CACHD1: variants seen among roughly 807,000 people sequenced by gnomAD.
CACHD1 encodes the protein VWFA and cache domain-containing protein 1.
A neutral mutation model predicts 138.7 loss-of-function variants in CACHD1; 71 were observed. The ratio of observed to expected loss-of-function variants is 0.51; its 90% confidence interval spans 0.42 to 0.62. The LOEUF is 0.62. Among genes scored for constraint, CACHD1 ranks in the 20% least tolerant of loss-of-function variants. The pLI is 0.00. For missense variants in CACHD1, 1,389 were observed against 1,625.3 expected, an observed-to-expected ratio of 0.85 and a Z score of 2.50; for synonymous variants, 578 against 591.5, an observed-to-expected ratio of 0.98 and a Z score of 0.33.
chr1:64,480,695 A>G (rs1646204978), intron 1 of CACHD1, among the ~76,000 whole-genome samples: 1 of 151,938 alleles, frequency 6.6e-6, no homozygotes. Flanking sequence ...TTTTTACTGA[A>G]AAGGTAAGTT....
chr1:64,530,685 A>T (rs960512825), intron 1 of CACHD1, among the ~76,000 whole-genome samples: 2 of 152,136 alleles, frequency 1.3e-5, no homozygotes, highest in East Asian at 1.9e-4. Context: ...AGCCTGGCCA[A>T]CATGGTGAAA....
intron 16 of CACHD1, among the ~76,000 whole-genome samples, chr1:64,669,179 C>A (rs2100714158): frequency 6.6e-6 from 1 of 152,236 alleles, no homozygotes; most frequent in South Asian, 2.1e-4. Flanking sequence ...TGTTTTGTGA[C>A]CTCGCTGACT....
In CACHD1 at chr1:64,681,546, T is replaced by TTTTTG. The variant is rs1650185844; in HGVS notation, c.3484+215_3484+216insGTTTT. Among the ~76,000 whole-genome samples the TTTTTG allele has an allele frequency of 2.7e-5, 3 of 113,126 alleles. 1 individual carries two copies. The East Asian group carries it at 7.0e-4, about 27-fold the overall frequency. The allele number at this position is 113,126 out of a possible 152,430, so 74.2% of individuals were successfully genotyped here. On this transcript the variant is annotated intron_variant, in intron 25 of 26. Transcript: ENST00000651257. ...ATCTCAAAAGATTTTATTGTGTTTT[T>TTTTTG]TTTTTTTTTTTTTTTTTTGCATTAA...
intron 4 of CACHD1, among the ~76,000 whole-genome samples, chr1:64,620,710 A>G (rs1350410546): frequency 6.6e-6 from 1 of 152,236 alleles, no homozygotes; most frequent in East Asian, 1.9e-4. Flanking sequence ...TAATGCATTA[A>G]TCTTTCTCAA....
At chr1:64,539,880 A>G (rs868165804) in intron 1 of CACHD1, among the ~76,000 whole-genome samples, 3 of 152,226 alleles carry the variant, frequency 2.0e-5, no homozygotes, top group Admixed American at 1.3e-4. Context: ...CTGAACTCTG[A>G]CAGCACCTTG....
chr1:64,501,645 AC>A (rs1646341018), intron 1 of CACHD1, among the ~76,000 whole-genome samples: 1 of 152,216 alleles, frequency 6.6e-6, no homozygotes, highest in African/African-American at 2.4e-5. Context: ...GTTTTTGTGC[AC>A]AAAAATACCC....
At chr1:64,614,417 C>T (rs1200323366) in intron 4 of CACHD1, among the ~76,000 whole-genome samples, 2 of 152,188 alleles carry the variant, frequency 1.3e-5, no homozygotes, top group Non-Finnish European at 2.9e-5. Flanking sequence ...GTGGTCTAGA[C>T]ACCTGGATGG....
At chr1:64,651,377 T>A (rs1649087771) in intron 9 of CACHD1, among the ~76,000 whole-genome samples, 2 of 152,198 alleles carry the variant, frequency 1.3e-5, no homozygotes, top group African/African-American at 4.8e-5. Context: ...TTCACCTTTT[T>A]TTAAAGGATG....
chr1:64,629,218 A>G (rs1447850905), intron 4 of CACHD1, 137 bp from the exon 5 acceptor site: 2 of 943,308 alleles, frequency 2.1e-6, no homozygotes, highest in African/African-American at 1.7e-5. Flanking sequence ...CAAATGTTTC[A>G]TAGAAAATTT....
rs778338835 is a variant in CACHD1, at chr1:64,653,809, C to G, written c.1592C>G (p.Pro531Arg). ...ACCAGGCCATATTTATTGTCAGAGC[C>G]CCCACTTCATACTGACATCATACAT... The part of the protein sequence containing the change: ...SLTRPYLLSE[P>R]PLHTDIIHYE... Residue 531 changes from proline to arginine, a missense_variant, in exon 11 of 27, where the codon CCC becomes CGC. Physicochemically the swap from Pro to Arg is moderately radical, Grantham distance 103. Transcript: ENST00000651257. 1 of 1,612,508 alleles carries G rather than the reference C, an allele frequency of 6.2e-7. No individual in the cohort carries two copies. Among genetic ancestry groups the G allele is most frequent in the Non-Finnish European group, 8.5e-7 (1 of 1,178,710 alleles).
chr1:64,621,573 AAG>A (rs1028782542), intron 4 of CACHD1, among the ~76,000 whole-genome samples: 1 of 152,208 alleles, frequency 6.6e-6, no homozygotes, highest in African/African-American at 2.4e-5. Context: ...CAGGTACTAT[AAG>A]AGAGGATAAG....
At chr1:64,476,863 G>GAGGAGTTC (rs1250787470) in intron 1 of CACHD1, among the ~76,000 whole-genome samples, 1 of 152,208 alleles carries the variant, frequency 6.6e-6, no homozygotes, top group Non-Finnish European at 1.5e-5. Context: ...GTTGCTGCTT[G>GAGGAGTTC]AGGAGTTCCT....
intron 1 of CACHD1, among the ~76,000 whole-genome samples, chr1:64,525,074 C>T (rs1646526369): frequency 6.6e-6 from 1 of 152,108 alleles, no homozygotes; most frequent in Non-Finnish European, 1.5e-5. Flanking sequence ...ACCAGTGGAC[C>T]ATCTCTGTGA....
chr1:64,621,479 G>A (rs1334459268), intron 4 of CACHD1, among the ~76,000 whole-genome samples: 1 of 152,076 alleles, frequency 6.6e-6, no homozygotes, highest in Admixed American at 6.6e-5. Context: ...TGGAGCTTAA[G>A]GCTTCCTATG....
At chr1:64,500,737 AGAGAGAGAGAG>A in intron 1 of CACHD1, among the ~76,000 whole-genome samples, 1 of 8,180 alleles carries the variant, frequency 1.2e-4, no homozygotes, top group African/African-American at 2.0e-4. Flanking sequence ...AAAAAAAAAG[AGAGAGAGAGAG>A]AGAGAGAGAG....
chr1:64,687,996 A>G (rs1456833932), intron 26 of CACHD1, among the ~76,000 whole-genome samples: 1 of 151,896 alleles, frequency 6.6e-6, no homozygotes, highest in Non-Finnish European at 1.5e-5. Context: ...ACCAGCCCCC[A>G]TGTGGGCTGG....
intron 1 of CACHD1, among the ~76,000 whole-genome samples, chr1:64,536,929 G>A (rs754974593): frequency 2.1e-4 from 32 of 152,124 alleles, no homozygotes; most frequent in Admixed American, 6.6e-4. Flanking sequence ...TGAAATTCCC[G>A]TGAGGAAACA....
intron 4 of CACHD1, among the ~76,000 whole-genome samples, chr1:64,604,151 A>G (rs182874834): frequency 6.6e-6 from 1 of 152,370 alleles, no homozygotes; most frequent in East Asian, 1.9e-4. Flanking sequence ...GGAATTGTAT[A>G]CACAAATCAT....
intron 7 of CACHD1, among the ~76,000 whole-genome samples, chr1:64,638,848 A>G (rs1648608449): frequency 6.6e-6 from 1 of 152,190 alleles, no homozygotes; most frequent in Admixed American, 6.5e-5. Context: ...TAAAAAAACA[A>G]ATCAAACCAA....
Sources: allele counts gnomAD v4.1 joint callset (sites outside exome capture counted in the v4.1 genomes callset), GRCh38; gene constraint gnomAD v4.1.1; transcripts MANE v1.5; gene names NCBI Gene and HGNC (gene_info 2026-07-23, HGNC 2026-07-21).